Variants in LDLRAD3 observed in about 807,000 individuals in gnomAD.
LDLRAD3 encodes the protein low density lipoprotein receptor class A domain containing 3, also known as low-density lipoprotein receptor class A domain-containing protein 3.
LDLRAD3 carries 20 observed loss-of-function variants against 29.4 expected under a neutral mutation model. That is an observed-to-expected ratio of 0.68 (90% CI 0.48 to 0.99). The LOEUF (loss-of-function observed/expected upper bound fraction) is 0.99, where lower values mean the gene tolerates loss of function less well. Among genes scored for constraint, LDLRAD3 ranks in the 50% least tolerant of loss-of-function variants. LDLRAD3 has a pLI of 0.00. For missense variants in LDLRAD3, 420 were observed against 454.3 expected (o/e 0.92, Z 0.69); for synonymous variants, 157 against 192.7 (o/e 0.81, Z 1.53).
chr11:36,068,901 A>C (rs1258077359), intron 2 of LDLRAD3, among the ~76,000 whole-genome samples: 1 of 152,194 alleles, frequency 6.6e-6, no homozygotes, highest in Non-Finnish European at 1.5e-5. Flanking sequence ...ATAAAAGAGA[A>C]GAGTTTTGGA....
chr11:36,229,434 C>A lies in LDLRAD3; in HGVS notation c.*37C>A. On this transcript the variant is annotated 3_prime_UTR_variant, in exon 6 of 6. Transcript: ENST00000315571. ...TCCAAAGTCCATATGGGTTAATCTGCTCTGACTTGTTGCCATTCTAACAAT... is the reference window on the plus strand; with the variant it reads ...TCCAAAGTCCATATGGGTTAATCTGATCTGACTTGTTGCCATTCTAACAAT... 1 of 1,420,272 alleles carries A rather than the reference C, an allele frequency of 7.0e-7. No individual in the cohort carries two copies. The highest frequency in any genetic ancestry group is 1.2e-5 in the South Asian group (1 of 85,422). 88.0% of individuals were successfully genotyped at this position (1,420,272 alleles called of 1,614,324 possible).
intron 4 of LDLRAD3, among the ~76,000 whole-genome samples, chr11:36,224,827 T>C (rs931789881): frequency 5.9e-5 from 9 of 152,206 alleles, no homozygotes; most frequent in Non-Finnish European, 1.5e-5. Context: ...CGCAGGTTTG[T>C]GGTTTTTTGA....
At chr11:36,128,117 C>CATATACATATATATATATAT (rs1554966874) in intron 4 of LDLRAD3, among the ~76,000 whole-genome samples, 1 of 98,954 alleles carries the variant, frequency 1.0e-5, no homozygotes, top group Non-Finnish European at 2.3e-5. Context: ...GTTGTTTTTA[C>CATATACATATATATATATAT]ATATATATAT....
intron 1 of LDLRAD3, among the ~76,000 whole-genome samples, chr11:35,987,695 G>T (rs1851631934): frequency 6.6e-6 from 1 of 152,106 alleles, no homozygotes; most frequent in African/African-American, 2.4e-5. Flanking sequence ...CCATGTCTTT[G>T]CTATTGTGAA....
At chr11:36,021,867 T>C (rs1394847167) in intron 1 of LDLRAD3, among the ~76,000 whole-genome samples, 1 of 152,126 alleles carries the variant, frequency 6.6e-6, no homozygotes, top group African/African-American at 2.4e-5. Context: ...CCCAGGCTGA[T>C]CTTGAACTTC....
intron 2 of LDLRAD3, among the ~76,000 whole-genome samples, chr11:36,076,222 G>GTCCA (rs56767260): frequency 0.39 from 57,044 of 145,222 alleles, 11,141 homozygotes; most frequent in Middle Eastern, 0.47. Context: ...CTGTCCATCC[G>GTCCA]TCCATCCATC....
intron 3 of LDLRAD3, among the ~76,000 whole-genome samples, chr11:36,091,745 C>T (rs193106051): frequency 3.9e-5 from 6 of 152,230 alleles, no homozygotes; most frequent in South Asian, 2.1e-4. Flanking sequence ...TAAGCCACAA[C>T]GAGGACAAAG....
intron 4 of LDLRAD3, among the ~76,000 whole-genome samples, chr11:36,145,349 T>C (rs1229715039): frequency 2.3e-5 from 2 of 85,890 alleles, no homozygotes; most frequent in African/African-American, 1.1e-4. Flanking sequence ...GGAGCCCCTC[T>C]GCCCGGCCAG....
chr11:36,151,684 TA>T (rs1400856609), intron 4 of LDLRAD3, among the ~76,000 whole-genome samples: 4 of 152,168 alleles, frequency 2.6e-5, no homozygotes, highest in Non-Finnish European at 5.9e-5. Flanking sequence ...GATAAATGTA[TA>T]TTGGTCAAAA....
chr11:36,163,009 A>C (rs756838565), intron 4 of LDLRAD3, among the ~76,000 whole-genome samples: 1 of 152,254 alleles, frequency 6.6e-6, no homozygotes, highest in Admixed American at 6.5e-5. Context: ...CAAGCAGTTA[A>C]AACAAAGATC....
chr11:36,101,885 C>CTTTTTTT, intron 4 of LDLRAD3: 4 of 224,082 alleles, frequency 1.8e-5, no homozygotes, highest in Non-Finnish European at 2.5e-5. Flanking sequence ...CCACTGTCAT[C>CTTTTTTT]TTTTTTTTTT....
At chr11:35,956,982 G>C (rs1693843039) in intron 1 of LDLRAD3, among the ~76,000 whole-genome samples, 1 of 152,224 alleles carries the variant, frequency 6.6e-6, no homozygotes, top group African/African-American at 2.4e-5. Context: ...TGATCCGCCT[G>C]TCTCGGCCTC....
chr11:36,059,015 T>G (rs1006491252), intron 2 of LDLRAD3, among the ~76,000 whole-genome samples: 4 of 152,176 alleles, frequency 2.6e-5, no homozygotes, highest in African/African-American at 9.7e-5. Context: ...CCTCCCTCTG[T>G]GCCTCCCTCT....
intron 1 of LDLRAD3, among the ~76,000 whole-genome samples, chr11:35,957,286 A>C (rs752280096): frequency 1.1e-4 from 16 of 152,242 alleles, no homozygotes; most frequent in Non-Finnish European, 2.1e-4. Flanking sequence ...ATGTTACACT[A>C]ATCTACGAGT....
chr11:36,082,440 CA>C (rs1853129435), intron 3 of LDLRAD3, among the ~76,000 whole-genome samples: 1 of 152,146 alleles, frequency 6.6e-6, no homozygotes, highest in African/African-American at 2.4e-5. Flanking sequence ...CCTGGGAGGT[CA>C]AGGCTGCAGT....
intron 4 of LDLRAD3, among the ~76,000 whole-genome samples, chr11:36,195,941 C>CTG (rs1855025901): frequency 6.6e-6 from 1 of 152,082 alleles, no homozygotes; most frequent in East Asian, 1.9e-4. Context: ...CTGCTACCTC[C>CTG]CATCAGTCAA....
At chr11:36,200,236 A>C (rs1855107570) in intron 4 of LDLRAD3, among the ~76,000 whole-genome samples, 1 of 152,188 alleles carries the variant, frequency 6.6e-6, no homozygotes, top group South Asian at 2.1e-4. Flanking sequence ...TCAGTTTTGG[A>C]GGCTGAAAGT....
chr11:35,951,967 T>C (rs1851140915), intron 1 of LDLRAD3, among the ~76,000 whole-genome samples: 1 of 152,218 alleles, frequency 6.6e-6, no homozygotes, highest in African/African-American at 2.4e-5. Context: ...CAAATAAAAG[T>C]GTCTTCTTGG....
intron 1 of LDLRAD3, among the ~76,000 whole-genome samples, chr11:35,958,646 C>G (rs1449537257): frequency 6.6e-6 from 1 of 152,148 alleles, no homozygotes; most frequent in Admixed American, 6.5e-5. Flanking sequence ...GTTCCAAAGC[C>G]TGTTGTTGCC....
Sources: allele counts gnomAD v4.1 joint callset (sites outside exome capture counted in the v4.1 genomes callset), GRCh38; gene constraint gnomAD v4.1.1; transcripts MANE v1.5; gene names NCBI Gene and HGNC (gene_info 2026-07-23, HGNC 2026-07-21).